The following TPR variants were observed in gnomAD, a reference collection of about 807,000 sequenced individuals.
TPR encodes translocated promoter region, nuclear basket protein, also known as nucleoprotein TPR.
A neutral mutation model predicts 316.1 loss-of-function variants in TPR; 51 were observed. The observed-to-expected ratio is 0.16, with a 90% confidence interval of 0.13 to 0.20. The LOEUF is 0.20. Ranked by LOEUF, TPR falls within the 10% of genes least tolerant of loss-of-function variation. The pLI, the probability that TPR is intolerant of heterozygous loss-of-function variation, is 1.00. For synonymous variants in TPR, 981 were observed against 914.7 expected, an observed-to-expected ratio of 1.07 and a Z score of -1.31; for missense variants, 2,272 against 2,754.8, an observed-to-expected ratio of 0.82 and a Z score of 3.92.
rs542947653 is a variant in TPR at position 186,327,781 on chromosome 1, T to C, written c.5689-121A>G. ...TGAGTACTTATGGACTAGCAGCATT[T>C]AATTTAATTTTTTTTTTTTGAGACA... On this transcript the variant is annotated intron_variant, in intron 39 of 50. Transcript: ENST00000367478. 1.5e-4 allele frequency: 133 copies of C among 877,166 alleles called. No homozygotes were observed. The African/African-American group carries it at 2.1e-3, about 14-fold the overall frequency. 54.3% of individuals were successfully genotyped at this position (877,166 alleles called of 1,614,324 possible). A position where few individuals can be genotyped will look rare whatever the true frequency, so the allele number is the denominator to read the frequency against.
intron 39 of TPR, among the ~76,000 whole-genome samples, chr1:186,328,957 T>G (rs1423830848): frequency 6.6e-6 from 1 of 152,184 alleles, no homozygotes. Context: ...ACTAAGACAT[T>G]CATAAAAAAT....
chr1:186,341,190 T>G (rs974917558), intron 28 of TPR, 31 bp from the exon 29 acceptor site: 6 of 1,612,550 alleles, frequency 3.7e-6, no homozygotes, highest in Non-Finnish European at 5.1e-6. Context: ...TAACAACAAA[T>G]GTAAAAATTC....
chr1:186,357,922 T>C (rs1373197260), intron 13 of TPR, among the ~76,000 whole-genome samples: 1 of 152,156 alleles, frequency 6.6e-6, no homozygotes, highest in Non-Finnish European at 1.5e-5. Flanking sequence ...CCCACAAATA[T>C]CTATTTTTTT....
chr1:186,353,201 T>C lies in TPR; in HGVS notation c.2334+487A>G, dbSNP rs908031341. Among the ~76,000 whole-genome samples, 4 of 152,050 alleles carry C rather than the reference T, an allele frequency of 2.6e-5. No individual in the cohort carries two copies. The South Asian group carries it at 6.2e-4, about 24-fold the overall frequency. On this transcript the variant is annotated intron_variant, in intron 18 of 50. Coordinates refer to ENST00000367478, the MANE Select transcript of TPR (RefSeq NM_003292.3). The stretch of plus-strand genomic sequence containing the variant: ...TCCTGGCTAACACAGTGAAACCCCA[T>C]CTCTACTAAAAATACAAAACATTAG...
intron 4 of TPR, among the ~76,000 whole-genome samples, chr1:186,366,801 T>TA (rs1488240930): frequency 6.6e-6 from 1 of 151,948 alleles, no homozygotes; most frequent in Non-Finnish European, 1.5e-5. Flanking sequence ...AAAGCACTAA[T>TA]ATAAAAACCT....
intron 24 of TPR, among the ~76,000 whole-genome samples, chr1:186,345,043 T>C (rs1658634135): frequency 6.6e-6 from 1 of 152,210 alleles, no homozygotes; most frequent in Non-Finnish European, 1.5e-5. Context: ...CCTACCATTT[T>C]AGTAACTCTG....
At chr1:186,358,185 CATGTATATACACAT>C (rs1156796789) in intron 13 of TPR, among the ~76,000 whole-genome samples, 1 of 152,074 alleles carries the variant, frequency 6.6e-6, no homozygotes, top group Non-Finnish European at 1.5e-5. Context: ...TATATATGCT[CATGTATATACACAT>C]ACAGAGAAGG....
At chr1:186,319,604 GAACT>G (rs1339851250) in intron 46 of TPR, among the ~76,000 whole-genome samples, 2 of 152,104 alleles carry the variant, frequency 1.3e-5, no homozygotes, top group Admixed American at 1.3e-4. Flanking sequence ...TTCAGTGTTA[GAACT>G]AATATCCTAA....
At chr1:186,352,494 C>T (rs1658893836) in intron 18 of TPR, among the ~76,000 whole-genome samples, 1 of 152,078 alleles carries the variant, frequency 6.6e-6, no homozygotes, top group Non-Finnish European at 1.5e-5. Flanking sequence ...TTCAAAGTAC[C>T]TGTTTAAAAG....
chr1:186,345,772 A>C, intron 23 of TPR, 76 bp from the exon 24 acceptor site: 1 of 1,047,342 alleles, frequency 9.5e-7, no homozygotes, highest in South Asian at 1.5e-5. Context: ...TAGTGTTACT[A>C]AATTGAAGTC....
intron 14 of TPR, 86 bp downstream of exon 14, chr1:186,357,311 C>T (rs991405776): frequency 7.5e-7 from 1 of 1,336,458 alleles, no homozygotes. Flanking sequence ...CCTCCCAAAA[C>T]GTTGGGATTA....
chr1:186,351,619 T>C (rs1558021778), intron 19 of TPR, 149 bp from the exon 20 acceptor site: 1 of 810,800 alleles, frequency 1.2e-6, no homozygotes, highest in Non-Finnish European at 1.8e-6. Flanking sequence ...AGTATTCTGG[T>C]ATTTTTTATA....
At chr1:186,371,336 C>T (rs1446368607) in intron 2 of TPR, among the ~76,000 whole-genome samples, 1 of 152,082 alleles carries the variant, frequency 6.6e-6, no homozygotes, top group East Asian at 1.9e-4. Flanking sequence ...GTGCCATCTT[C>T]TAAGTCAACA....
chr1:186,348,551 A>G lies in TPR; in HGVS notation c.2777-1093T>C, dbSNP rs939067860. On this transcript the variant is annotated intron_variant, in intron 21 of 50. Transcript: ENST00000367478. ...CTGCTTTTGCTCTTTGAAGCATGTG[A>G]TCTTTGCACCTACTCTCTGTTCTTA... Among the ~76,000 whole-genome samples, 4 of 151,994 alleles carry G rather than the reference A, an allele frequency of 2.6e-5. No homozygotes were observed. The South Asian group carries it at 8.3e-4, about 32-fold the overall frequency.
chr1:186,333,188 T>G lies in TPR; in HGVS notation c.5389A>C (p.Ile1797Leu), dbSNP rs1286348394. The G allele has an allele frequency of 1.2e-6, 2 of 1,613,632 alleles. No homozygotes were observed. The highest frequency in any genetic ancestry group is 1.3e-5 in the African/African-American group (1 of 75,016). Residue 1797 changes from isoleucine to leucine, a missense_variant, in exon 37 of 51, where the codon ATA (isoleucine) becomes CTA (leucine). By Grantham distance (5) the Ile-to-Leu change is conservative (BLOSUM62 2). This residue lies in a region of TPR where 435 missense variants were observed against 461.1 expected (regional missense o/e 0.94). Transcript: ENST00000367478. ...EPANQELSSN[I>L]VEVVQSSPVE... ...GGTGAACTCTGAACAACCTCTACTA[T>G]GTTTGAAGATAACTCTTGATTGGCA...
At chr1:186,360,400 A>C (rs935276288) in intron 10 of TPR, 36 bp from the exon 11 acceptor site, 4 of 1,601,246 alleles carry the variant, frequency 2.5e-6, no homozygotes, top group Admixed American at 1.7e-5. Context: ...ATAATTTGTA[A>C]AATTCCAAAC....
At chr1:186,314,060 C>T in intron 50 of TPR, 34 bp from the exon 51 acceptor site, 2 of 1,591,630 alleles carry the variant, frequency 1.3e-6, no homozygotes, top group Non-Finnish European at 1.7e-6. Context: ...TTGAATATAT[C>T]TTTTAAGAAT....
chr1:186,362,211 G>A, intron 7 of TPR, 77 bp downstream of exon 7: 3 of 1,215,696 alleles, frequency 2.5e-6, no homozygotes, highest in East Asian at 2.4e-5. Context: ...ATTAAAAAAT[G>A]ACATCATTTT....
chr1:186,362,893 C>G lies in TPR; in HGVS notation c.640G>C (p.Glu214Gln). 6.2e-7 allele frequency: 1 copy of G among 1,609,620 alleles called. No individual in the cohort carries two copies. The highest frequency in any genetic ancestry group is 8.5e-7 in the Non-Finnish European group (1 of 1,178,374). Residue 214 changes from glutamate to glutamine, a missense_variant, in exon 6 of 51, where the codon GAA becomes CAA. By Grantham distance (29) the Glu-to-Gln change is conservative (BLOSUM62 2). Around this residue, in one of 10 missense-constraint regions of TPR, gnomAD observed 549 missense variants for 598.6 expected, o/e 0.92. Transcript: ENST00000367478. ...KTDELLALGR[E>Q]KGNEILELKC... The stretch of plus-strand genomic sequence containing the variant: ...AGCTCTAGAATCTCATTCCCTTTTT[C>G]TCTTCCAAGAGCCAGAAGTTCATCA...
Sources: gnomAD v4.1 joint callset for allele counts (sites outside exome capture counted in the v4.1 genomes callset) on GRCh38, gnomAD v4.1.1 for gene constraint, gnomAD v4.1.1 regional missense constraint, MANE v1.5 for transcripts, NCBI Gene and HGNC (gene_info 2026-07-23, HGNC 2026-07-21) for gene names.